The following NXPH1 variants were observed in gnomAD, a reference collection of about 807,000 sequenced individuals.
NXPH1 encodes neurexophilin 1, also known as neurexophilin-1.
NXPH1 carries 5 observed loss-of-function variants against 23.7 expected under a neutral mutation model. The observed-to-expected ratio is 0.21, with a 90% CI of 0.11 to 0.44. The LOEUF (loss-of-function observed/expected upper bound fraction) is 0.44, where lower values mean the gene tolerates loss of function less well. NXPH1 is among the 20% of genes least tolerant of loss of function. The pLI is 0.99. For missense variants in NXPH1, 324 were observed against 321.6 expected, an observed-to-expected ratio of 1.01 and a Z score of -0.06; for synonymous variants, 144 against 122.2, an observed-to-expected ratio of 1.18 and a Z score of -1.18.
At chr7:8,675,985 G>A (rs1396602229) in intron 2 of NXPH1, among the ~76,000 whole-genome samples, 1 of 152,100 alleles carries the variant, frequency 6.6e-6, no homozygotes, top group Non-Finnish European at 1.5e-5. Flanking sequence ...GTTTGGCTGT[G>A]TAAACTAACA....
chr7:8,445,132 G>A (rs751672000), intron 2 of NXPH1, among the ~76,000 whole-genome samples: 1 of 152,252 alleles, frequency 6.6e-6, no homozygotes, highest in African/African-American at 2.4e-5. Context: ...GTAGCATGCT[G>A]AGAAAGGAAA....
intron 2 of NXPH1, among the ~76,000 whole-genome samples, chr7:8,734,841 T>C (rs567905642): frequency 2.3e-4 from 35 of 152,346 alleles, no homozygotes; most frequent in African/African-American, 8.2e-4. Context: ...TTTGTAGTTC[T>C]CCTTGAAGAG....
At position 8,435,856 on chromosome 7, in the gene NXPH1, C is replaced by T. The variant is rs907840821; in HGVS notation, c.54+89C>T. ...GACACGCGGGAGAAGGGTTACGCCGCCAGTTCAGTGAGAGCAGCTTCCTAG... is the reference window on the plus strand; with the variant it reads ...GACACGCGGGAGAAGGGTTACGCCGTCAGTTCAGTGAGAGCAGCTTCCTAG... On this transcript the variant is annotated intron_variant, in intron 2 of 2. Transcript: ENST00000405863. The surrounding 1 kb of genome is among the most constrained non-coding windows in gnomAD (Gnocchi z 5.9). 1 of 1,230,964 alleles carries T rather than the reference C, an allele frequency of 8.1e-7. No individual in the cohort carries two copies. The highest frequency in any genetic ancestry group is 1.2e-6 in the Non-Finnish European group (1 of 832,224). The allele number at this position is 1,230,964 out of a possible 1,614,324, so 76.3% of individuals were successfully genotyped here.
At chr7:8,680,959 A>G (rs1821040734) in intron 2 of NXPH1, among the ~76,000 whole-genome samples, 1 of 152,246 alleles carries the variant, frequency 6.6e-6, no homozygotes, top group African/African-American at 2.4e-5. Flanking sequence ...GACAGGGTTA[A>G]GAGACTATTG....
At position 8,435,357 on chromosome 7, in the gene NXPH1, C is replaced by T. The variant is rs1352832880; in HGVS notation, c.-110-247C>T. ...GTGTGCTCCGCCGCCTGGGAACTCG[C>T]ACCCGAGGAGCGCAGGGGGCAAGGA... On this transcript the variant is annotated intron_variant, in intron 1 of 2. Transcript: ENST00000405863. This position sits in a 1 kb window ranked among gnomAD's most constrained non-coding sequence, Gnocchi z 5.9. The T allele has an allele frequency of 2.9e-6, 1 of 345,020 alleles. No individual in the cohort carries two copies. The highest frequency in any genetic ancestry group is 2.1e-5 in the African/African-American group (1 of 46,534). The allele number at this position is 345,020 out of a possible 1,614,324, so 21.4% of individuals were successfully genotyped here. A position where few individuals can be genotyped will look rare whatever the true frequency, so the allele number is the denominator to read the frequency against.
intron 2 of NXPH1, among the ~76,000 whole-genome samples, chr7:8,573,716 T>C (rs745934206): frequency 6.8e-4 from 103 of 152,282 alleles, no homozygotes; most frequent in South Asian, 1.4e-3. Flanking sequence ...TAGAACTTTC[T>C]TCCAGTTAAT....
chr7:8,597,040 G>A (rs1168349036), intron 2 of NXPH1, among the ~76,000 whole-genome samples: 2 of 152,084 alleles, frequency 1.3e-5, no homozygotes, highest in African/African-American at 4.8e-5. Context: ...AGGATAAAGA[G>A]AGCCCTTCCA....
At chr7:8,620,597 T>G (rs1297736126) in intron 2 of NXPH1, among the ~76,000 whole-genome samples, 1 of 152,170 alleles carries the variant, frequency 6.6e-6, no homozygotes, top group East Asian at 1.9e-4. Context: ...TAGCTTAAGA[T>G]TGAAGCCAAT....
chr7:8,732,583 A>T (rs1172468144), intron 2 of NXPH1, among the ~76,000 whole-genome samples: 2 of 152,238 alleles, frequency 1.3e-5, no homozygotes, highest in African/African-American at 4.8e-5. Context: ...TGGGTAATAC[A>T]AAAGTGATTC....
At chr7:8,536,733 T>A (rs1223587120) in intron 2 of NXPH1, among the ~76,000 whole-genome samples, 1 of 151,884 alleles carries the variant, frequency 6.6e-6, no homozygotes, top group South Asian at 2.1e-4. Flanking sequence ...TATATTAATA[T>A]CCCAGACAAG....
At chr7:8,644,298 T>A (rs1820361360) in intron 2 of NXPH1, among the ~76,000 whole-genome samples, 1 of 152,222 alleles carries the variant, frequency 6.6e-6, no homozygotes, top group South Asian at 2.1e-4. Flanking sequence ...GTTTGACTGA[T>A]GGTATTTTAA....
intron 2 of NXPH1, among the ~76,000 whole-genome samples, chr7:8,443,715 C>T (rs954086581): frequency 6.6e-6 from 1 of 151,926 alleles, no homozygotes; most frequent in Non-Finnish European, 1.5e-5. Flanking sequence ...TTAATGCAGA[C>T]GAATGGGGGA....
At chr7:8,741,782 T>C (rs1193623867) in intron 2 of NXPH1, among the ~76,000 whole-genome samples, 2 of 152,126 alleles carry the variant, frequency 1.3e-5, no homozygotes, top group African/African-American at 4.8e-5. Context: ...CCCTAAAATA[T>C]TGATTGTGAA....
intron 2 of NXPH1, among the ~76,000 whole-genome samples, chr7:8,444,321 G>A (rs1298624008): frequency 6.6e-6 from 1 of 152,188 alleles, no homozygotes; most frequent in East Asian, 1.9e-4. Flanking sequence ...GGAAGGTGAG[G>A]AAGAGAAGGT....
At chr7:8,588,654 G>A (rs989317863) in intron 2 of NXPH1, among the ~76,000 whole-genome samples, 3 of 152,092 alleles carry the variant, frequency 2.0e-5, no homozygotes, top group African/African-American at 7.2e-5. Flanking sequence ...GGTGTGGCTT[G>A]GGTTAGGTGC....
At chr7:8,623,195 C>T (rs941872736) in intron 2 of NXPH1, among the ~76,000 whole-genome samples, 3 of 152,054 alleles carry the variant, frequency 2.0e-5, no homozygotes, top group African/African-American at 7.2e-5. Context: ...CAGTGCAGGG[C>T]TCTGCAGGTG....
At chr7:8,614,360 C>T (rs899699010) in intron 2 of NXPH1, among the ~76,000 whole-genome samples, 18 of 151,760 alleles carry the variant, frequency 1.2e-4, no homozygotes, top group Admixed American at 4.6e-4. Flanking sequence ...AAGGTTGAAC[C>T]AGTTTACATT....
intron 2 of NXPH1, among the ~76,000 whole-genome samples, chr7:8,577,390 AGTAACAATCTTC>A (rs2128623076): frequency 6.6e-6 from 1 of 152,272 alleles, no homozygotes; most frequent in South Asian, 2.1e-4. Context: ...AAACCAGGAG[AGTAACAATCTTC>A]TTTGCTGTGG....
At chr7:8,585,144 T>G (rs572060173) in intron 2 of NXPH1, among the ~76,000 whole-genome samples, 35 of 152,206 alleles carry the variant, frequency 2.3e-4, no homozygotes, top group Admixed American at 1.9e-3. Flanking sequence ...TCTCTAAAAT[T>G]ATTCTATGTC....
Sources: gnomAD v4.1 joint callset for allele counts (sites outside exome capture counted in the v4.1 genomes callset) on GRCh38, gnomAD v4.1.1 for gene constraint, Gnocchi (gnomAD v3.1) non-coding constraint, MANE v1.5 for transcripts, NCBI Gene and HGNC (gene_info 2026-07-23, HGNC 2026-07-21) for gene names.